Variants in CDKL5 observed in about 807,000 individuals in gnomAD.
The protein encoded by CDKL5 is cyclin-dependent kinase-like 5.
Under a neutral mutation model 61.7 loss-of-function variants are expected in CDKL5, and 8 were observed. That is an observed-to-expected ratio of 0.13 (90% confidence interval 0.08 to 0.23). The LOEUF (loss-of-function observed/expected upper bound fraction) is 0.23. Among genes scored for constraint, CDKL5 ranks in the 10% least tolerant of loss-of-function variants. The pLI is 1.00. For synonymous variants in CDKL5, 275 were observed against 272.3 expected, an observed-to-expected ratio of 1.01 and a Z score of -0.10; for missense variants, 440 against 734.5, an observed-to-expected ratio of 0.60 and a Z score of 4.63.
intron 16 of CDKL5, among the ~76,000 whole-genome samples, chrX:18,621,347 A>G (rs772916012): frequency 9.8e-5 from 11 of 112,294 alleles, no homozygotes; most frequent in African/African-American, 2.9e-4. Context: ...ATCTTTCTAG[A>G]TCATTCTTTC....
chrX:18,633,901 C>A lies in CDKL5; in HGVS notation c.*5144C>A. The A allele has an allele frequency of 1.3e-6, 1 of 753,692 alleles. No individual in the cohort carries two copies. Among genetic ancestry groups the A allele is most frequent in the Non-Finnish European group, 1.6e-6 (1 of 639,081 alleles). The allele number at this position is 753,692 out of a possible 1,213,427, so 62.1% of individuals were successfully genotyped here. A position where few individuals can be genotyped will look rare whatever the true frequency, so the allele number is the denominator to read the frequency against. On this transcript the variant is annotated 3_prime_UTR_variant, in exon 18 of 18. Coordinates refer to ENST00000623535, the MANE Select transcript of CDKL5 (RefSeq NM_001323289.2). ...TAGGCTATTAAATATGATCATGACC[C>A]GCCTTGCATTTTCATTCATCACCTG...
At chrX:18,626,401 A>G (rs1336828798) in intron 17 of CDKL5, among the ~76,000 whole-genome samples, 1 of 110,760 alleles carries the variant, frequency 9.0e-6, no homozygotes, top group Non-Finnish European at 1.9e-5. Context: ...AAGCTGTTGC[A>G]TAGAACTGCT....
At chrX:18,551,797 T>G (rs902457501) in intron 3 of CDKL5, among the ~76,000 whole-genome samples, 3 of 107,525 alleles carry the variant, frequency 2.8e-5, no homozygotes, top group African/African-American at 1.0e-4. Context: ...TTCACCATGT[T>G]GCCCAGGCTA....
chrX:18,456,914 A>G (rs1932155722), intron 1 of CDKL5, among the ~76,000 whole-genome samples: 1 of 111,024 alleles, frequency 9.0e-6, no homozygotes, highest in Non-Finnish European at 1.9e-5. Flanking sequence ...TGCTTCTGGA[A>G]ATATGCTTTT....
rs1602302904 is a variant in CDKL5 at position 18,632,706 on chromosome X, G to A, written c.*3949G>A. 9.3e-6 allele frequency: 7 copies of A among 753,464 alleles called. No individual in the cohort carries two copies. The highest frequency in any genetic ancestry group is 1.1e-5 in the Non-Finnish European group (7 of 638,848). 62.1% of individuals were successfully genotyped at this position (753,464 alleles called of 1,213,427 possible). On this transcript the variant is annotated 3_prime_UTR_variant, in exon 18 of 18. Coordinates refer to ENST00000623535, the MANE Select transcript of CDKL5 (RefSeq NM_001323289.2). ...AGCTATGCTGTCAGTCTCTAGTCAC[G>A]CCATGTATTATAAAGTATGTTGTGG... is the stretch of plus-strand genomic sequence containing the variant.
intron 3 of CDKL5, among the ~76,000 whole-genome samples, chrX:18,558,572 AG>A (rs1197562229): frequency 8.9e-6 from 1 of 111,849 alleles, no homozygotes; most frequent in Non-Finnish European, 1.9e-5. Flanking sequence ...AGCAAAGTCC[AG>A]GGAGAATTAA....
rs150167096 is a variant in CDKL5 at position 18,474,903 on chromosome X, C to G, written c.-162-32032C>G. Among the ~76,000 whole-genome samples the G allele has an allele frequency of 4.2e-3, 464 of 110,780 alleles. 3 individuals are homozygous for G. The highest frequency in any genetic ancestry group is 0.014 in the African/African-American group (417 of 30,623). On this transcript the variant is annotated intron_variant, in intron 1 of 17. Transcript: ENST00000623535. ...CCTTAAATATAGGAACACATTTTCT[C>G]ATTTTGTATTCTTTGAATTTTTATT...
At chrX:18,642,870 C>T (rs111866209), downstream of CDKL5, among the ~76,000 whole-genome samples, 11 of 109,015 alleles carry the variant, frequency 1.0e-4, no homozygotes, top group Non-Finnish European at 3.8e-5. Flanking sequence ...AGTGAGACCC[C>T]GTCTCTACTA....
intron 17 of CDKL5, among the ~76,000 whole-genome samples, chrX:18,626,162 T>A (rs994868357): frequency 9.2e-6 from 1 of 108,493 alleles, no homozygotes; most frequent in Non-Finnish European, 1.9e-5. Flanking sequence ...AACCTCCCTG[T>A]GCTCAGGCAA....
Position 18,604,819 on chromosome X carries a change from G to A in CDKL5, c.1895G>A (p.Gly632Glu). ...GGCTTGGATGGAAGCTTGAGCATAG[G>A]GCAAGGGATGGCAGCTAGAGCCAAC... ...AKGLDGSLSI[G>E]QGMAARANSL... Residue 632 changes from glycine (G) to glutamate (E), a missense_variant, in exon 12 of 18, where the codon GGG (glycine) becomes GAG (glutamate). Around this residue, in one of 2 missense-constraint regions of CDKL5, gnomAD observed 363 missense variants for 516.3 expected, o/e 0.70. Transcript: ENST00000623535. 4 of 1,211,269 alleles carry A rather than the reference G, an allele frequency of 3.3e-6. No individual in the cohort carries two copies. Among genetic ancestry groups the A allele is most frequent in the Admixed American group, 2.2e-5 (1 of 45,997 alleles).
intron 1 of CDKL5, among the ~76,000 whole-genome samples, chrX:18,486,611 A>G: frequency 8.9e-6 from 1 of 112,076 alleles, no homozygotes; most frequent in Non-Finnish European, 1.9e-5. Context: ...ATTCTGTGGT[A>G]TTGTAGATGG....
At chrX:18,474,473 T>C (rs1921228436) in intron 1 of CDKL5, among the ~76,000 whole-genome samples, 1 of 112,077 alleles carries the variant, frequency 8.9e-6, no homozygotes, top group South Asian at 3.7e-4. Context: ...CTTTCTGATA[T>C]AGAAGTTTAT....
At chrX:18,487,482 A>G (rs1255166298) in intron 1 of CDKL5, among the ~76,000 whole-genome samples, 1 of 112,801 alleles carries the variant, frequency 8.9e-6, no homozygotes, top group Non-Finnish European at 1.9e-5. Context: ...AATTTTTTGT[A>G]GAGACAAAGC....
At chrX:18,647,688 T>C (rs1353058696) in intron 20 of CDKL5, 2 of 226,028 alleles carry the variant, frequency 8.8e-6, no homozygotes, top group Non-Finnish European at 1.6e-5. Flanking sequence ...AAATACCATA[T>C]TTAAATGCCA....
intron 9 of CDKL5, chrX:18,589,258 A>G (rs1213489179): frequency 1.8e-5 from 2 of 110,605 alleles, no homozygotes; most frequent in East Asian, 5.7e-4. Context: ...TGTCATTTAC[A>G]TTAGGTATAT....
intron 3 of CDKL5, among the ~76,000 whole-genome samples, chrX:18,553,640 G>T (rs1924485769): frequency 9.0e-6 from 1 of 110,988 alleles, no homozygotes; most frequent in Admixed American, 9.6e-5. Context: ...CTACAGGCGT[G>T]TGCTACCACG....
chrX:18,602,370 C>A (rs1926205678), intron 11 of CDKL5, among the ~76,000 whole-genome samples: 2 of 112,255 alleles, frequency 1.8e-5, no homozygotes, highest in South Asian at 7.4e-4. Flanking sequence ...TGGTTTAAAA[C>A]CTGATGCCTT....
At chrX:18,583,866 C>T (rs746150234) in intron 7 of CDKL5, among the ~76,000 whole-genome samples, 1 of 111,907 alleles carries the variant, frequency 8.9e-6, no homozygotes. Flanking sequence ...AATTAATGAC[C>T]GTCTACAATA....
chrX:18,629,006 T>C lies in CDKL5; in HGVS notation c.*249T>C. On this transcript the variant is annotated 3_prime_UTR_variant, in exon 18 of 18. Transcript: ENST00000623535. ...CCCACAGGTCTTGTGTGAGAATAGA[T>C]AGAGTGTGCCATTGAGGAAGAAGAA... 1.0e-6 allele frequency: 1 copy of C among 953,361 alleles called. No homozygotes were observed. The highest frequency in any genetic ancestry group is 1.3e-6 in the Non-Finnish European group (1 of 765,380). The allele number at this position is 953,361 out of a possible 1,213,427, so 78.6% of individuals were successfully genotyped here.
Sources: gnomAD v4.1 joint callset for allele counts (sites outside exome capture counted in the v4.1 genomes callset) on GRCh38, gnomAD v4.1.1 for gene constraint, gnomAD v4.1.1 regional missense constraint, MANE v1.5 for transcripts, NCBI Gene and HGNC (gene_info 2026-07-23, HGNC 2026-07-21) for gene names.